The following COL26A1 variants were observed in gnomAD, a reference collection of about 807,000 sequenced individuals.
COL26A1 encodes collagen alpha-1(XXVI) chain.
A neutral mutation model predicts 59.3 loss-of-function variants in COL26A1; 41 were observed. The observed-to-expected ratio is 0.69, with a 90% CI of 0.54 to 0.90. The LOEUF (loss-of-function observed/expected upper bound fraction) is 0.90, where lower values mean the gene tolerates loss of function less well. COL26A1 is among the 40% of genes least tolerant of loss of function. COL26A1 has a pLI of 0.00. For synonymous variants in COL26A1, 266 were observed against 256.0 expected (o/e 1.04, Z -0.37); for missense variants, 612 against 602.3 (o/e 1.02, Z -0.17).
At chr7:101,543,317 G>T (rs1795657984) in intron 5 of COL26A1, among the ~76,000 whole-genome samples, 1 of 152,022 alleles carries the variant, frequency 6.6e-6, no homozygotes, top group Non-Finnish European at 1.5e-5. Flanking sequence ...CCACAGGCGT[G>T]CACCACTATG....
chr7:101,465,004 C>G (rs1412780172), intron 3 of COL26A1, among the ~76,000 whole-genome samples: 2 of 151,636 alleles, frequency 1.3e-5, no homozygotes, highest in Non-Finnish European at 2.9e-5. Context: ...AAGTCACCAC[C>G]CTTGGCTTTA....
intron 1 of COL26A1, among the ~76,000 whole-genome samples, chr7:101,366,882 C>T (rs924037788): frequency 3.3e-5 from 5 of 152,144 alleles, no homozygotes; most frequent in African/African-American, 1.2e-4. Context: ...TTTTCTCTCC[C>T]TTTTAGTGTA....
intron 1 of COL26A1, among the ~76,000 whole-genome samples, chr7:101,419,396 G>C (rs1792455786): frequency 6.6e-6 from 1 of 152,072 alleles, no homozygotes; most frequent in Admixed American, 6.6e-5. Flanking sequence ...ACAAGTGTGA[G>C]CCACTGTGCC....
intron 8 of COL26A1, 148 bp from the exon 9 acceptor site, chr7:101,549,023 A>AG: frequency 2.1e-6 from 1 of 485,954 alleles, no homozygotes; most frequent in Non-Finnish European, 3.7e-6. Flanking sequence ...CCTCGTTGAG[A>AG]GGGGGTGTGC....
Position 101,420,078 on chromosome 7 carries a change from G to C in COL26A1, c.260G>C (p.Gly87Ala). The change falls in exon 2 of 13, where the codon GGG (glycine) becomes GCG (alanine). Residue 87 changes from glycine to alanine, a missense_variant. Coordinates refer to ENST00000313669, the MANE Select transcript of COL26A1 (RefSeq NM_001278563.3). ...GTGTACCAGAGCTGCCGGTGGCCGGGGCCCTGCGCCAACCTCGTAAGGTAA... is the reference window on the plus strand; with the variant it reads ...GTGTACCAGAGCTGCCGGTGGCCGGCGCCCTGCGCCAACCTCGTAAGGTAA... ...QRVYQSCRWP[G>A]PCANLVSYRT... The C allele has an allele frequency of 6.2e-7, 1 of 1,613,334 alleles. No homozygotes were observed. The highest frequency in any genetic ancestry group is 1.1e-5 in the South Asian group (1 of 91,070).
intron 3 of COL26A1, among the ~76,000 whole-genome samples, chr7:101,522,511 G>A (rs1401444305): frequency 6.6e-6 from 1 of 152,174 alleles, no homozygotes; most frequent in East Asian, 1.9e-4. Flanking sequence ...TTCTCCTGCA[G>A]CCCCCAGCAA....
intron 1 of COL26A1, among the ~76,000 whole-genome samples, chr7:101,387,778 A>ATATTTTTTTTTTTTTTTTTTT (rs773025730): frequency 2.4e-5 from 2 of 84,836 alleles, no homozygotes; most frequent in East Asian, 2.8e-4. Flanking sequence ...ATATATATAT[A>ATATTTTTTTTTTTTTTTTTTT]TTTTTTTTTA....
intron 3 of COL26A1, among the ~76,000 whole-genome samples, chr7:101,496,589 A>T (rs1178773442): frequency 6.6e-6 from 1 of 152,130 alleles, no homozygotes; most frequent in Non-Finnish European, 1.5e-5. Flanking sequence ...AGGGGTGCAG[A>T]TCTAGACCCC....
In COL26A1 at chr7:101,475,816, CTT is replaced by C. The variant is rs1185374624; in HGVS notation, c.385+28031_385+28032del. 9.4e-4 allele frequency among the ~76,000 whole-genome samples: 138 copies of C among 146,728 alleles called. 2 individuals carry two copies. The highest frequency in any genetic ancestry group is 3.4e-3 in the African/African-American group (135 of 39,596). ...TCCTTCCTTCCTTCCTTCTTTCTTT[CTT>C]TCTCTCTCTTTCTCTCTCTCTCTTT... is the stretch of plus-strand genomic sequence containing the variant. On this transcript the variant is annotated intron_variant, in intron 3 of 12. Coordinates refer to ENST00000313669, the MANE Select transcript of COL26A1 (RefSeq NM_001278563.3).
Position 101,533,132 on chromosome 7 carries a change from C to T in COL26A1, c.436C>T (p.Leu146=), listed in dbSNP as rs1033808116. ...LSDMSERLTT[L]EAKVLLLEAA... is the part of the protein sequence containing the mutation. ...TGACATGAGTGAGCGACTGACCACA[C>T]TGGAGGCCAAGGTCAGTCGGGCTGG... The change falls in exon 4 of 13, where the codon CTG becomes TTG. Residue 146 remains leucine (L), a synonymous_variant. Transcript: ENST00000313669. 3.7e-6 allele frequency: 6 copies of T among 1,605,382 alleles called. No homozygotes were observed. The highest frequency in any genetic ancestry group is 5.1e-6 in the Non-Finnish European group (6 of 1,176,968).
At chr7:101,501,000 G>A (rs1373434353) in intron 3 of COL26A1, among the ~76,000 whole-genome samples, 9 of 151,382 alleles carry the variant, frequency 5.9e-5, no homozygotes, top group South Asian at 4.2e-4. Flanking sequence ...TGGCCAACAC[G>A]GTGAAACCCT....
chr7:101,442,894 C>G lies in COL26A1; in HGVS notation c.282-4790C>G, dbSNP rs535627287. 5.3e-5 allele frequency among the ~76,000 whole-genome samples: 8 copies of G among 152,116 alleles called. No homozygotes were observed. The South Asian group carries it at 1.5e-3, about 28-fold the overall frequency. ...GAGTGTGTTTGTGCGAGTGTGCAAG[C>G]ACGAGTGTGCACACGAGTGTGAGAG... is the stretch of plus-strand genomic sequence containing the variant. On this transcript the variant is annotated intron_variant, in intron 2 of 12. Transcript: ENST00000313669.
At chr7:101,445,453 C>T (rs371707869) in intron 2 of COL26A1, among the ~76,000 whole-genome samples, 102 of 151,286 alleles carry the variant, frequency 6.7e-4, no homozygotes, top group African/African-American at 2.4e-3. Context: ...GTGAGGGGGC[C>T]GGGCGCGGTG....
At chr7:101,539,278 CTGTGTGTGTGTGTGTATGTGTG>C (rs1795551804) in intron 4 of COL26A1, among the ~76,000 whole-genome samples, 1 of 142,250 alleles carries the variant, frequency 7.0e-6, no homozygotes, top group Non-Finnish European at 1.5e-5. Context: ...CCTTTTCTGT[CTGTGTGTGTGTGTGTATGTGTG>C]TGTGTGTGTG....
At chr7:101,511,930 G>A (rs1043179580) in intron 3 of COL26A1, among the ~76,000 whole-genome samples, 1 of 152,098 alleles carries the variant, frequency 6.6e-6, no homozygotes, top group South Asian at 2.1e-4. Context: ...TTAGGAGTTT[G>A]AAGCTGCAGT....
rs1419565812 is a variant in COL26A1, at chr7:101,540,001, C to A, written c.556C>A (p.Pro186Thr). ...TGAGGACTTCCTCCCCGACGCCATC[C>A]CTCTTGCTCACCCTGTGCCACGACA... ...WNEDFLPDAIPLAHPVPRQRR... is the reference protein window; with the variant it reads ...WNEDFLPDAITLAHPVPRQRR... The change falls in exon 5 of 13, where the codon CCT (proline) becomes ACT (threonine). Residue 186 changes from proline (P) to threonine (T), a missense_variant. By Grantham distance (38) the Pro-to-Thr change is conservative. Coordinates refer to ENST00000313669, the MANE Select transcript of COL26A1 (RefSeq NM_001278563.3). 6.2e-7 allele frequency: 1 copy of A among 1,613,614 alleles called. No homozygotes were observed. Among genetic ancestry groups the A allele is most frequent in the Non-Finnish European group, 8.5e-7 (1 of 1,179,836 alleles).
intron 1 of COL26A1, among the ~76,000 whole-genome samples, chr7:101,391,503 G>C (rs1382557039): frequency 6.6e-6 from 1 of 152,112 alleles, no homozygotes; most frequent in Non-Finnish European, 1.5e-5. Context: ...AGTCCTTCTA[G>C]GTCTTCTCTA....
At chr7:101,421,344 A>C (rs569946172) in intron 2 of COL26A1, among the ~76,000 whole-genome samples, 64 of 152,246 alleles carry the variant, frequency 4.2e-4, no homozygotes, top group Admixed American at 1.1e-3. Flanking sequence ...CACCCACATT[A>C]TAGAGGGCAA....
chr7:101,450,735 T>TATTCCATATTCTATATGAATATGA lies in COL26A1; in HGVS notation c.385+2957_385+2980dup, dbSNP rs747197633. ...TAATATAGAATTATTGAATTATTTATATTCCATATTCTATATGAATATGAA... is the reference window on the plus strand; with the variant it reads ...TAATATAGAATTATTGAATTATTTATATTCCATATTCTATATGAATATGAATTCCATATTCTATATGAATATGAA... On this transcript the variant is annotated intron_variant, in intron 3 of 12. Coordinates refer to ENST00000313669, the MANE Select transcript of COL26A1 (RefSeq NM_001278563.3). 2.9e-5 allele frequency among the ~76,000 whole-genome samples: 4 copies of TATTCCATATTCTATATGAATATGA among 135,714 alleles called. No individual in the cohort carries two copies. The East Asian group carries it at 6.4e-4, about 22-fold the overall frequency. The allele number at this position is 135,714 out of a possible 152,430, so 89.0% of individuals were successfully genotyped here. A position where few individuals can be genotyped will look rare whatever the true frequency, so the allele number is the denominator to read the frequency against.
Sources: allele counts gnomAD v4.1 joint callset (sites outside exome capture counted in the v4.1 genomes callset), GRCh38; gene constraint gnomAD v4.1.1; transcripts MANE v1.5; gene names NCBI Gene and HGNC (gene_info 2026-07-23, HGNC 2026-07-21).